Variants in CALN1 observed in about 807,000 individuals in gnomAD.
CALN1 encodes the protein calneuron 1.
Under a neutral mutation model 30.6 loss-of-function variants are expected in CALN1, and 17 were observed. That is an observed-to-expected ratio of 0.56 (90% CI 0.38 to 0.83). The LOEUF (loss-of-function observed/expected upper bound fraction) is 0.83. Among genes scored for constraint, CALN1 ranks in the 40% least tolerant of loss-of-function variants. The probability of loss-of-function intolerance (pLI) is 0.00; values close to 1 mark genes in which losing one functional copy is unlikely to be tolerated. For synonymous variants in CALN1, 156 were observed against 131.4 expected, an observed-to-expected ratio of 1.19 and a Z score of -1.28; for missense variants, 291 against 354.9, an observed-to-expected ratio of 0.82 and a Z score of 1.45.
Position 71,834,387 on chromosome 7 carries a change from A to G in CALN1, c.502-23895T>C, listed in dbSNP as rs112639940. ...AAAAAAAAAAAAATCAGAAGACTTA[A>G]GTCAATTGAGCCCAGGCTGAGTGAA... On this transcript the variant is annotated intron_variant, in intron 5 of 6. Transcript: ENST00000395275. 4.1e-3 allele frequency among the ~76,000 whole-genome samples: 619 copies of G among 150,436 alleles called. 4 individuals are homozygous for G. The highest frequency in any genetic ancestry group is 0.014 in the African/African-American group (581 of 40,548).
chr7:72,168,806 T>TTATTA (rs11419495), intron 3 of CALN1, among the ~76,000 whole-genome samples: 1 of 88,922 alleles, frequency 1.1e-5, no homozygotes, highest in South Asian at 3.1e-4. Flanking sequence ...ATTATTATTA[T>TTATTA]TTTTTTTTTT....
At chr7:72,466,155 GC>G in the CALN1 span, among the ~76,000 whole-genome samples, 6 of 152,268 alleles carry the variant, frequency 3.9e-5, no homozygotes, top group South Asian at 1.2e-3. Flanking sequence ...CACCTCCATT[GC>G]CCATTCCAGC....
At chr7:72,337,970 G>A (rs1437274072) in intron 2 of CALN1, among the ~76,000 whole-genome samples, 1 of 152,208 alleles carries the variant, frequency 6.6e-6, no homozygotes, top group Non-Finnish European at 1.5e-5. Flanking sequence ...CCTGCCCCAG[G>A]TCTCAAGGGC....
rs1010635078 is a variant in CALN1 at position 71,978,262 on chromosome 7, CTTTTTTTTTT to C, written c.501+45385_501+45394del. ...AAAAACTCAGGGACTCTAGAGAATT[CTTTTTTTTTT>C]TTTTTTTTTTTTTTTTTGAGGGGGA... is the stretch of plus-strand genomic sequence containing the variant. On this transcript the variant is annotated intron_variant, in intron 5 of 6. Transcript: ENST00000395275. Among the ~76,000 whole-genome samples the C allele has an allele frequency of 6.9e-5, 5 of 72,936 alleles. 2 individuals are homozygous for C. The highest frequency in any genetic ancestry group is 1.1e-3 in the South Asian group (2 of 1,798). The allele number at this position is 72,936 out of a possible 152,430, so 47.8% of individuals were successfully genotyped here. A position where few individuals can be genotyped will look rare whatever the true frequency, so the allele number is the denominator to read the frequency against.
At chr7:72,255,475 C>T (rs1562800892) in intron 3 of CALN1, among the ~76,000 whole-genome samples, 1 of 151,370 alleles carries the variant, frequency 6.6e-6, no homozygotes, top group African/African-American at 2.4e-5. Context: ...AGTGCAGTGG[C>T]ATGATCTCGG....
rs148534441 is a variant in CALN1, at chr7:72,272,871, G to T, written c.244+5815C>A. Among the ~76,000 whole-genome samples, 661 of 152,172 alleles carry T rather than the reference G, an allele frequency of 4.3e-3. 7 individuals are homozygous for T. The highest frequency in any genetic ancestry group is 7.2e-3 in the Non-Finnish European group (490 of 68,008). ...CACAACTTAACCGCAGCCATGGGTT[G>T]GTATGTCCCATCCTGGGTTATCTAT... On this transcript the variant is annotated intron_variant, in intron 3 of 6. Coordinates refer to ENST00000395275, the MANE Select transcript of CALN1 (RefSeq NM_031468.4).
the CALN1 span, among the ~76,000 whole-genome samples, chr7:72,497,097 G>GA: frequency 6.6e-6 from 1 of 152,046 alleles, no homozygotes; most frequent in East Asian, 1.9e-4. Context: ...AGCTGAAAGG[G>GA]AAAAAAAGCT....
chr7:72,174,461 T>C (rs1789191154), intron 3 of CALN1, among the ~76,000 whole-genome samples: 1 of 152,194 alleles, frequency 6.6e-6, no homozygotes. Context: ...TATTACATTT[T>C]TGACTATTAC....
intron 5 of CALN1, among the ~76,000 whole-genome samples, chr7:71,892,007 TTA>T (rs1269511559): frequency 6.6e-6 from 1 of 152,048 alleles, no homozygotes; most frequent in Non-Finnish European, 1.5e-5. Context: ...ATTAAATTGA[TTA>T]TATAGACTAG....
At chr7:71,794,000 C>T (rs1786736380) in intron 6 of CALN1, among the ~76,000 whole-genome samples, 1 of 152,162 alleles carries the variant, frequency 6.6e-6, no homozygotes, top group African/African-American at 2.4e-5. Context: ...TTAAATGCTC[C>T]TATTTCTTTA....
At chr7:72,010,226 G>A (rs1006994473) in intron 5 of CALN1, among the ~76,000 whole-genome samples, 6 of 152,116 alleles carry the variant, frequency 3.9e-5, no homozygotes, top group Non-Finnish European at 1.5e-5. Context: ...CCTGAAAGTG[G>A]AGACTCATAA....
intron 2 of CALN1, among the ~76,000 whole-genome samples, chr7:72,304,059 A>T (rs1001368229): frequency 5.2e-5 from 8 of 152,382 alleles, no homozygotes; most frequent in African/African-American, 1.9e-4. Context: ...AGTCAGTAAT[A>T]CAGAAGACAA....
At position 72,346,989 on chromosome 7, in the gene CALN1, G is replaced by A. The variant is rs183428881; in HGVS notation, c.119+56262C>T. ...GCTAATGTGTGAGAAGGAAAAGTGG[G>A]AATAGAGAAAAGAGAGTAAGAGAGG... On this transcript the variant is annotated intron_variant, in intron 2 of 6. Transcript: ENST00000395275. Among the ~76,000 whole-genome samples the A allele has an allele frequency of 2.9e-3, 446 of 152,218 alleles. 1 individual carries two copies. The highest frequency in any genetic ancestry group is 6.8e-3 in the Middle Eastern group (2 of 294).
intron 3 of CALN1, among the ~76,000 whole-genome samples, chr7:72,215,029 T>C (rs965899465): frequency 1.3e-5 from 2 of 151,962 alleles, no homozygotes; most frequent in Non-Finnish European, 2.9e-5. Context: ...AATGTAATCA[T>C]AATAGAAATA....
chr7:72,487,154 T>C, the CALN1 span, among the ~76,000 whole-genome samples: 5 of 152,020 alleles, frequency 3.3e-5, no homozygotes, highest in Non-Finnish European at 7.4e-5. Context: ...TGGGCTCAAG[T>C]GATCTCCTGC....
At chr7:72,460,728 G>A in the CALN1 span, among the ~76,000 whole-genome samples, 1 of 152,132 alleles carries the variant, frequency 6.6e-6, no homozygotes, top group African/African-American at 2.4e-5. Flanking sequence ...CTCGAGTGAA[G>A]TCTCCCCTTG....
At chr7:72,045,392 C>T (rs1802401966) in intron 4 of CALN1, among the ~76,000 whole-genome samples, 1 of 152,196 alleles carries the variant, frequency 6.6e-6, no homozygotes, top group Admixed American at 6.5e-5. Flanking sequence ...CATTTCCTCT[C>T]CCTTCCTGGT....
At chr7:72,271,885 A>T (rs1585321104) in intron 3 of CALN1, among the ~76,000 whole-genome samples, 1 of 151,884 alleles carries the variant, frequency 6.6e-6, no homozygotes, top group East Asian at 2.0e-4. Context: ...AACATGGTGA[A>T]ACCCCATTTC....
At chr7:71,850,519 A>G (rs1280868825) in intron 5 of CALN1, among the ~76,000 whole-genome samples, 1 of 152,226 alleles carries the variant, frequency 6.6e-6, no homozygotes, top group Non-Finnish European at 1.5e-5. Flanking sequence ...TGCCAGCCTG[A>G]CATTCTCTTG....
Sources: gnomAD v4.1 joint callset for allele counts (sites outside exome capture counted in the v4.1 genomes callset) on GRCh38, gnomAD v4.1.1 for gene constraint, MANE v1.5 for transcripts, NCBI Gene and HGNC (gene_info 2026-07-23, HGNC 2026-07-21) for gene names.